Variants in UNC5C observed in about 807,000 individuals in gnomAD.
UNC5C encodes the protein netrin receptor UNC5C.
In UNC5C, 47 loss-of-function variants were observed where a neutral mutation model predicts 99.8. That is an observed-to-expected ratio of 0.47 (90% CI 0.37 to 0.60). UNC5C has a LOEUF of 0.60. Among genes scored for constraint, UNC5C ranks in the 20% least tolerant of loss-of-function variants. The pLI is 0.00. For missense variants in UNC5C, 1,062 were observed against 1,165.9 expected, an observed-to-expected ratio of 0.91 and a Z score of 1.30; for synonymous variants, 487 against 452.2, an observed-to-expected ratio of 1.08 and a Z score of -0.98.
chr4:95,521,217 C>CTTTTTTTTTTTTTTTTTTTTT (rs201147890), intron 1 of UNC5C, among the ~76,000 whole-genome samples: 1 of 45,100 alleles, frequency 2.2e-5, no homozygotes, highest in Non-Finnish European at 4.6e-5. Context: ...TTTCTTTTTT[C>CTTTTTTTTTTTTTTTTTTTTT]TTTTTTCTTT....
At chr4:95,186,690 G>A (rs750053458) in intron 12 of UNC5C, among the ~76,000 whole-genome samples, 20 of 152,142 alleles carry the variant, frequency 1.3e-4, no homozygotes, top group Non-Finnish European at 2.6e-4. Context: ...GTATCTAATG[G>A]AAGAGATGAG....
At chr4:95,297,619 G>A (rs1279705453) in intron 3 of UNC5C, among the ~76,000 whole-genome samples, 3 of 152,172 alleles carry the variant, frequency 2.0e-5, no homozygotes, top group African/African-American at 7.2e-5. Context: ...TGCTCTGAAA[G>A]TATTGAGAAA....
chr4:95,403,458 G>A (rs978630132), intron 1 of UNC5C, among the ~76,000 whole-genome samples: 2 of 152,142 alleles, frequency 1.3e-5, no homozygotes, highest in South Asian at 2.1e-4. Context: ...GCCACTGAAA[G>A]TTTCATTTCA....
At chr4:95,223,443 G>T (rs1190100979) in intron 7 of UNC5C, among the ~76,000 whole-genome samples, 1 of 152,140 alleles carries the variant, frequency 6.6e-6, no homozygotes, top group Non-Finnish European at 1.5e-5. Flanking sequence ...ACTCTAAATC[G>T]TGCCTCAGGT....
intron 1 of UNC5C, among the ~76,000 whole-genome samples, chr4:95,385,242 T>G (rs1195019911): frequency 6.6e-6 from 1 of 152,246 alleles, no homozygotes; most frequent in Non-Finnish European, 1.5e-5. Flanking sequence ...GTGCTGTTTA[T>G]GATTTTGTTC....
At chr4:95,232,154 T>C (rs1379906986) in intron 7 of UNC5C, among the ~76,000 whole-genome samples, 1 of 151,932 alleles carries the variant, frequency 6.6e-6, no homozygotes, top group African/African-American at 2.4e-5. Flanking sequence ...ATCAAACTCA[T>C]AGATCAGCTA....
At chr4:95,468,328 T>C (rs543565228) in intron 1 of UNC5C, among the ~76,000 whole-genome samples, 1 of 152,278 alleles carries the variant, frequency 6.6e-6, no homozygotes, top group South Asian at 2.1e-4. Flanking sequence ...CTCTGTCTTT[T>C]TTTATTATCT....
At chr4:95,265,500 G>T (rs1274504527) in intron 4 of UNC5C, among the ~76,000 whole-genome samples, 1 of 152,020 alleles carries the variant, frequency 6.6e-6, no homozygotes, top group East Asian at 1.9e-4. Flanking sequence ...TATTTATGAA[G>T]TGTGTATAAA....
intron 1 of UNC5C, among the ~76,000 whole-genome samples, chr4:95,356,210 AAAC>A (rs528335828): frequency 0.043 from 4,204 of 97,470 alleles, 174 homozygotes; most frequent in African/African-American, 0.09. Context: ...AAAAAAAAAA[AAAC>A]AAAACAAAAA....
At chr4:95,404,852 G>A (rs536987789) in intron 1 of UNC5C, among the ~76,000 whole-genome samples, 348 of 152,278 alleles carry the variant, frequency 2.3e-3, no homozygotes, top group African/African-American at 8.1e-3. Flanking sequence ...GATGGATGGT[G>A]GAACAACGTG....
At chr4:95,399,952 T>G (rs1222017096) in intron 1 of UNC5C, among the ~76,000 whole-genome samples, 2 of 152,210 alleles carry the variant, frequency 1.3e-5, no homozygotes, top group Non-Finnish European at 2.9e-5. Flanking sequence ...TGTTTACCCC[T>G]AATTGAGCAC....
chr4:95,236,498 G>A (rs933216140), intron 7 of UNC5C, among the ~76,000 whole-genome samples: 2 of 151,368 alleles, frequency 1.3e-5, no homozygotes, highest in Admixed American at 1.3e-4. Context: ...CGAGTTAATG[G>A]GTGCAGCACA....
At chr4:95,545,772 GCACACA>G (rs3975180) in intron 1 of UNC5C, among the ~76,000 whole-genome samples, 5 of 148,316 alleles carry the variant, frequency 3.4e-5, no homozygotes, top group Non-Finnish European at 7.5e-5. Context: ...GCGCGCGCGC[GCACACA>G]CACACACACA....
chr4:95,382,222 C>T (rs1273462078), intron 1 of UNC5C, among the ~76,000 whole-genome samples: 1 of 152,006 alleles, frequency 6.6e-6, no homozygotes, highest in Non-Finnish European at 1.5e-5. Flanking sequence ...CCTGTAATCC[C>T]AACATTTTGG....
At chr4:95,422,945 T>C (rs955653872) in intron 1 of UNC5C, among the ~76,000 whole-genome samples, 2 of 152,102 alleles carry the variant, frequency 1.3e-5, no homozygotes, top group African/African-American at 2.4e-5. Flanking sequence ...AATACAAAAA[T>C]ATTAATAGCA....
chr4:95,244,872 T>G, intron 6 of UNC5C, 105 bp downstream of exon 6: 1 of 1,433,912 alleles, frequency 7.0e-7, no homozygotes, highest in African/African-American at 1.4e-5. Context: ...TTAAATAACG[T>G]TCATCACACA....
intron 14 of UNC5C, among the ~76,000 whole-genome samples, chr4:95,174,155 G>A (rs182352597): frequency 3.8e-4 from 57 of 151,748 alleles, no homozygotes; most frequent in African/African-American, 1.3e-3. Flanking sequence ...AGTCTTGCTA[G>A]CAGTCTATCA....
intron 2 of UNC5C, among the ~76,000 whole-genome samples, chr4:95,314,618 A>T (rs947891916): frequency 3.9e-5 from 6 of 152,190 alleles, no homozygotes; most frequent in African/African-American, 1.4e-4. Flanking sequence ...TCCATATTTT[A>T]AAAAAGATAT....
At position 95,202,032 on chromosome 4, in the gene UNC5C, T is replaced by C. The variant is rs368410590; in HGVS notation, c.2136+699A>G. Among the ~76,000 whole-genome samples, 7 of 152,298 alleles carry C rather than the reference T, an allele frequency of 4.6e-5. No homozygotes were observed. The East Asian group carries it at 1.2e-3, about 25-fold the overall frequency. ...TCCATTAGGGCCAATCATCAAATAT[T>C]AGCTCCTTTTCAGATTTCCTCAAAG... On this transcript the variant is annotated intron_variant, in intron 12 of 15. Coordinates refer to ENST00000453304, the MANE Select transcript of UNC5C (RefSeq NM_003728.4).
Sources: allele counts gnomAD v4.1 joint callset (sites outside exome capture counted in the v4.1 genomes callset), GRCh38; gene constraint gnomAD v4.1.1; transcripts MANE v1.5; gene names NCBI Gene and HGNC (gene_info 2026-07-23, HGNC 2026-07-21).